Variants in PBX1 observed in about 807,000 individuals in gnomAD.
PBX1 encodes pre-B-cell leukemia transcription factor 1.
A neutral mutation model predicts 53.4 loss-of-function variants in PBX1; 6 were observed. That is an observed-to-expected ratio of 0.11 (90% CI 0.06 to 0.22). The LOEUF (loss-of-function observed/expected upper bound fraction) is 0.22. Ranked by LOEUF, PBX1 falls within the 10% of genes least tolerant of loss-of-function variation. PBX1 has a pLI of 1.00. For missense variants in PBX1, 251 were observed against 551.4 expected (o/e 0.46, Z 5.46); for synonymous variants, 204 against 212.3 (o/e 0.96, Z 0.34).
At chr1:164,650,734 G>C (rs1659754206) in intron 2 of PBX1, among the ~76,000 whole-genome samples, 1 of 152,084 alleles carries the variant, frequency 6.6e-6, no homozygotes, top group Non-Finnish European at 1.5e-5. Flanking sequence ...ACTTTGCACA[G>C]TGTGGATGTA....
chr1:164,852,887 A>T (rs945723572), downstream of PBX1, among the ~76,000 whole-genome samples: 2 of 152,214 alleles, frequency 1.3e-5, no homozygotes, highest in Non-Finnish European at 1.5e-5. Flanking sequence ...ATTGGAATAT[A>T]CTTACGGGAG....
At position 164,573,763 on chromosome 1, in the gene PBX1, G is replaced by A. The variant is rs551189017; in HGVS notation, c.265+10452G>A. On this transcript the variant is annotated intron_variant, in intron 2 of 8. Coordinates refer to ENST00000420696, the MANE Select transcript of PBX1 (RefSeq NM_002585.4). ...GGCTTCCCAAAGTGTTGGGATTACA[G>A]GCGTGAGCCACCGTGCCCAGCATTT... Among the ~76,000 whole-genome samples the A allele has an allele frequency of 2.0e-5, 3 of 152,296 alleles. No individual in the cohort carries two copies. The South Asian group carries it at 6.2e-4, about 32-fold the overall frequency.
chr1:164,878,259 A>G (rs1176772118), intron 2 of PBX1, among the ~76,000 whole-genome samples: 1 of 152,152 alleles, frequency 6.6e-6, no homozygotes, highest in African/African-American at 2.4e-5. Flanking sequence ...TGAGGATTAG[A>G]TGAGATAATA....
Position 164,848,543 on chromosome 1 carries a change from C to A in PBX1, c.*1867C>A. On this transcript the variant is annotated 3_prime_UTR_variant, in exon 9 of 9. Transcript: ENST00000420696. ...TGTAACTTCTGGTTAATATCAGTAC[C>A]TTGATGTCATCACCGTGATGACAAA... The A allele has an allele frequency of 9.4e-7, 1 of 1,059,834 alleles. No homozygotes were observed. Among genetic ancestry groups the A allele is most frequent in the Non-Finnish European group, 1.1e-6 (1 of 875,908 alleles). 65.7% of individuals were successfully genotyped at this position (1,059,834 alleles called of 1,614,324 possible).
intron 2 of PBX1, among the ~76,000 whole-genome samples, chr1:164,737,759 G>T (rs1270873209): frequency 6.6e-6 from 1 of 152,098 alleles, no homozygotes; most frequent in Non-Finnish European, 1.5e-5. Context: ...GATTACAGGC[G>T]TGAGCCACTG....
At chr1:164,575,615 C>T (rs1460279337) in intron 2 of PBX1, among the ~76,000 whole-genome samples, 3 of 152,108 alleles carry the variant, frequency 2.0e-5, no homozygotes, top group African/African-American at 7.2e-5. Flanking sequence ...TTATCCCTAA[C>T]AAAGAAAGAC....
rs1259894987 is a variant in PBX1 at position 164,655,108 on chromosome 1, T to TTA, written c.265+91798_265+91799insAT. On this transcript the variant is annotated intron_variant, in intron 2 of 8. Transcript: ENST00000420696. The stretch of plus-strand genomic sequence containing the variant: ...CCCAGTCTCTGATGTGTGTTTTTTT[T>TTA]TTTTTTTTATTTTTATTTTTTTAAG... Among the ~76,000 whole-genome samples the TTA allele has an allele frequency of 4.6e-5, 7 of 150,578 alleles. No individual in the cohort carries two copies. In the South Asian group the frequency reaches 8.4e-4, roughly 18 times the overall value.
chr1:164,662,062 A>C (rs1392583506), intron 2 of PBX1, among the ~76,000 whole-genome samples: 4 of 152,190 alleles, frequency 2.6e-5, no homozygotes, highest in African/African-American at 9.6e-5. Flanking sequence ...GCAGTGGCTC[A>C]AGTCTGTAAT....
intron 2 of PBX1, among the ~76,000 whole-genome samples, chr1:164,729,275 A>G (rs928167127): frequency 6.6e-6 from 1 of 152,222 alleles, no homozygotes; most frequent in Admixed American, 6.5e-5. Flanking sequence ...TTTTCCCTAA[A>G]TGATAACCTA....
chr1:164,744,629 G>T (rs1156803479), intron 2 of PBX1, among the ~76,000 whole-genome samples: 1 of 152,132 alleles, frequency 6.6e-6, no homozygotes, highest in Non-Finnish European at 1.5e-5. Flanking sequence ...AAGAGTGCCT[G>T]GCACAGAGTC....
At chr1:164,841,160 C>T (rs991948786) in intron 8 of PBX1, among the ~76,000 whole-genome samples, 3 of 152,114 alleles carry the variant, frequency 2.0e-5, no homozygotes, top group Admixed American at 1.3e-4. Context: ...TGGGGGCCTG[C>T]AGGAGGAAGA....
chr1:164,797,849 C>T (rs769539703), intron 3 of PBX1, among the ~76,000 whole-genome samples: 4 of 152,132 alleles, frequency 2.6e-5, no homozygotes, highest in Non-Finnish European at 5.9e-5. Context: ...ATTAGAAAAA[C>T]GAGGCACAGA....
chr1:164,678,417 A>T (rs6695269), intron 2 of PBX1, among the ~76,000 whole-genome samples: 26,420 of 152,150 alleles, frequency 0.17, 2,709 homozygotes, highest in African/African-American at 0.27. Flanking sequence ...ACCAAACACA[A>T]TTCATTTGGC....
At chr1:164,582,686 G>C (rs951710963) in intron 2 of PBX1, among the ~76,000 whole-genome samples, 2 of 151,650 alleles carry the variant, frequency 1.3e-5, no homozygotes, top group African/African-American at 4.8e-5. Context: ...GCCACCCAAA[G>C]TGCTGGGAAT....
intron 2 of PBX1, among the ~76,000 whole-genome samples, chr1:164,775,866 GGTCT>G (rs1179838655): frequency 1.3e-5 from 2 of 152,060 alleles, no homozygotes; most frequent in Non-Finnish European, 2.9e-5. Context: ...CATACATTGG[GGTCT>G]GTTTGTATAT....
chr1:164,812,288 T>A, intron 6 of PBX1, 139 bp downstream of exon 6: 1 of 825,236 alleles, frequency 1.2e-6, no homozygotes, highest in Non-Finnish European at 1.8e-6. Context: ...TTTTTGGATG[T>A]TAATGTCACT....
intron 8 of PBX1, among the ~76,000 whole-genome samples, chr1:164,825,295 CT>C (rs1026130969): frequency 1.2e-4 from 19 of 152,206 alleles, no homozygotes; most frequent in Non-Finnish European, 2.1e-4. Context: ...CCTTCTCCCC[CT>C]CTTCTCTCTA....
At chr1:164,827,830 A>G (rs555203008) in intron 8 of PBX1, among the ~76,000 whole-genome samples, 4 of 152,214 alleles carry the variant, frequency 2.6e-5, no homozygotes, top group Non-Finnish European at 5.9e-5. Flanking sequence ...TCATTCACTC[A>G]TTCATTCAAT....
intron 2 of PBX1, among the ~76,000 whole-genome samples, chr1:164,791,694 G>A (rs1668516308): frequency 6.6e-6 from 1 of 152,152 alleles, no homozygotes; most frequent in Non-Finnish European, 1.5e-5. Context: ...GAAATAAAGA[G>A]GGAAATGCTT....
Sources: gnomAD v4.1 joint callset for allele counts (sites outside exome capture counted in the v4.1 genomes callset) on GRCh38, gnomAD v4.1.1 for gene constraint, MANE v1.5 for transcripts, NCBI Gene and HGNC (gene_info 2026-07-23, HGNC 2026-07-21) for gene names.